Variants in NME7 observed in about 807,000 individuals in gnomAD.
NME7 encodes the protein nucleoside diphosphate kinase 7.
NME7 carries 41 observed loss-of-function variants against 49.1 expected under a neutral mutation model. That is an observed-to-expected ratio of 0.83 (90% confidence interval 0.65 to 1.08). The LOEUF is 1.08. Among genes scored for constraint, NME7 ranks in the 50% least tolerant of loss-of-function variants. The pLI, the probability that NME7 is intolerant of heterozygous loss-of-function variation, is 0.00. For synonymous variants in NME7, 139 were observed against 150.6 expected (o/e 0.92, Z 0.56); for missense variants, 423 against 463.4 (o/e 0.91, Z 0.80).
At position 169,364,747 on chromosome 1, in the gene NME7, T is replaced by C. The variant is rs571324630; in HGVS notation, c.3+2961A>G. 3.3e-5 allele frequency among the ~76,000 whole-genome samples: 5 copies of C among 152,314 alleles called. 1 individual carries two copies. The highest frequency in any genetic ancestry group is 1.2e-4 in the African/African-American group (5 of 41,564). ...GCAAGCTAACTATGGGAGAAATTTA[T>C]AGTTTAACTTTGAAGCAAGGATGGT... On this transcript the variant is annotated intron_variant, in intron 1 of 11. Transcript: ENST00000367811.
intron 1 of NME7, among the ~76,000 whole-genome samples, chr1:169,334,083 T>C (rs764191373): frequency 2.0e-5 from 3 of 152,232 alleles, no homozygotes; most frequent in Admixed American, 1.3e-4. Flanking sequence ...GATTCCATAA[T>C]GCATGATGGA....
In NME7 at chr1:169,175,242, C is replaced by A. The variant is rs147134426; in HGVS notation, c.991-5688G>T. On this transcript the variant is annotated intron_variant, in intron 10 of 11. Coordinates refer to ENST00000367811, the MANE Select transcript of NME7 (RefSeq NM_013330.5). ...CTGTCTTCCACCTCCATATCTTGTC[C>A]CACTGGAAGGTCTTTAGGGACAATA... is the stretch of plus-strand genomic sequence containing the variant. Among the ~76,000 whole-genome samples the A allele has an allele frequency of 6.2e-3, 936 of 152,084 alleles. 14 individuals are homozygous for A. Among genetic ancestry groups the A allele is most frequent in the African/African-American group, 0.021 (882 of 41,442 alleles).
At chr1:169,207,442 G>C (rs1660703150) in intron 10 of NME7, among the ~76,000 whole-genome samples, 1 of 152,084 alleles carries the variant, frequency 6.6e-6, no homozygotes, top group African/African-American at 2.4e-5. Context: ...AGCCATAGGG[G>C]TCTGTAGACA....
intron 7 of NME7, among the ~76,000 whole-genome samples, chr1:169,258,350 A>T (rs1402774012): frequency 4.6e-5 from 5 of 109,386 alleles, no homozygotes; most frequent in South Asian, 5.5e-4. Flanking sequence ...TTGTCTCAAA[A>T]AAAATAAAAT....
Position 169,324,647 on chromosome 1 carries a change from TCA to T in NME7, c.4-149_4-148del. Reference sequence around the variant, plus strand: ...AATGTTTCTGCTTTTCAACAAAGTATCAGTTATCAACACACCCTCAGCAATAT... The same window carrying T: ...AATGTTTCTGCTTTTCAACAAAGTATGTTATCAACACACCCTCAGCAATAT... On this transcript the variant is annotated intron_variant, in intron 1 of 11. Transcript: ENST00000367811. The T allele has an allele frequency of 1.0e-5, 6 of 590,190 alleles. No individual in the cohort carries two copies. In the South Asian group the frequency reaches 1.3e-4, roughly 13 times the overall value. The allele number at this position is 590,190 out of a possible 1,614,324, so 36.6% of individuals were successfully genotyped here.
intron 10 of NME7, among the ~76,000 whole-genome samples, chr1:169,218,659 A>ATTTTT (rs34342694): frequency 1.7e-5 from 2 of 118,164 alleles, no homozygotes; most frequent in African/African-American, 3.3e-5. Context: ...CCAATTTTGA[A>ATTTTT]TTTTTTTTTT....
chr1:169,313,513 GAC>G (rs1381516306), intron 3 of NME7, among the ~76,000 whole-genome samples: 2 of 152,144 alleles, frequency 1.3e-5, no homozygotes, highest in African/African-American at 2.4e-5. Context: ...ATGGGAAAAA[GAC>G]AGAAGCAAAG....
rs527828705 is a variant in NME7, at chr1:169,257,179, A to C, written c.755-19492T>G. ...TCCCCCAGCCTCGCTGCCACCTTGC[A>C]GTTTGATCTCAGACTGCTGTGCTGG... On this transcript the variant is annotated intron_variant, in intron 7 of 11. Coordinates refer to ENST00000367811, the MANE Select transcript of NME7 (RefSeq NM_013330.5). Among the ~76,000 whole-genome samples, 703 of 134,218 alleles carry C rather than the reference A, an allele frequency of 5.2e-3. 66 individuals are homozygous for C. Among genetic ancestry groups the C allele is most frequent in the African/African-American group, 0.016 (654 of 39,696 alleles). 88.1% of individuals were successfully genotyped at this position (134,218 alleles called of 152,430 possible). A position where few individuals can be genotyped will look rare whatever the true frequency, so the allele number is the denominator to read the frequency against.
At chr1:169,210,540 C>T (rs1263052167) in intron 10 of NME7, among the ~76,000 whole-genome samples, 1 of 151,946 alleles carries the variant, frequency 6.6e-6, no homozygotes, top group African/African-American at 2.4e-5. Flanking sequence ...TTAGATAGTC[C>T]TTCTGTGGTA....
At chr1:169,302,298 T>G (rs920665643) in intron 5 of NME7, 1 of 152,142 alleles carries the variant, frequency 6.6e-6, no homozygotes, top group African/African-American at 2.4e-5. Flanking sequence ...AAAAGATACA[T>G]GCACTTGCCT....
At chr1:169,319,709 A>AG (rs1273051682) in intron 3 of NME7, among the ~76,000 whole-genome samples, 3 of 152,146 alleles carry the variant, frequency 2.0e-5, no homozygotes, top group African/African-American at 7.2e-5. Flanking sequence ...TCTGAAAAAC[A>AG]GGGGGGTCTT....
Position 169,311,351 on chromosome 1 carries a change from G to A in NME7, c.279-1271C>T, listed in dbSNP as rs575328345. Reference sequence around the variant, plus strand: ...GGAGAATGATGTGAACCCGGGGGTCGGAGCCTGCAGTGAGCCAAGATAGCA... The same window carrying A: ...GGAGAATGATGTGAACCCGGGGGTCAGAGCCTGCAGTGAGCCAAGATAGCA... On this transcript the variant is annotated intron_variant, in intron 3 of 11. Coordinates refer to ENST00000367811, the MANE Select transcript of NME7 (RefSeq NM_013330.5). Among the ~76,000 whole-genome samples, 204 of 148,424 alleles carry A rather than the reference G, an allele frequency of 1.4e-3. 1 individual carries two copies. The highest frequency in any genetic ancestry group is 2.2e-3 in the Admixed American group (32 of 14,730).
intron 7 of NME7, among the ~76,000 whole-genome samples, chr1:169,256,149 T>C (rs1648921395): frequency 7.5e-6 from 1 of 133,724 alleles, no homozygotes; most frequent in Non-Finnish European, 1.8e-5. Context: ...GATAATATCC[T>C]ACAGAGTGTT....
chr1:169,342,913 G>A (rs151232559), intron 1 of NME7, among the ~76,000 whole-genome samples: 10,423 of 59,576 alleles, frequency 0.17, 3,286 homozygotes, highest in Non-Finnish European at 0.28. Context: ...TATATATAGT[G>A]TATATATATA....
intron 1 of NME7, among the ~76,000 whole-genome samples, chr1:169,353,104 G>T (rs1653239455): frequency 6.6e-6 from 1 of 151,776 alleles, no homozygotes; most frequent in Non-Finnish European, 1.5e-5. Flanking sequence ...TAAGTAAAAA[G>T]ATGAAAACTG....
chr1:169,338,360 AC>A (rs1348934395), intron 1 of NME7, among the ~76,000 whole-genome samples: 1 of 152,192 alleles, frequency 6.6e-6, no homozygotes, highest in Non-Finnish European at 1.5e-5. Flanking sequence ...CAGAACACAA[AC>A]ACCTGTATTT....
chr1:169,362,316 C>A (rs1653691095), intron 1 of NME7, among the ~76,000 whole-genome samples: 1 of 152,238 alleles, frequency 6.6e-6, no homozygotes, highest in African/African-American at 2.4e-5. Flanking sequence ...TCCTTTATTA[C>A]ACTAACAGTT....
chr1:169,270,202 GT>G (rs1390336844), intron 7 of NME7, among the ~76,000 whole-genome samples: 1 of 134,702 alleles, frequency 7.4e-6, no homozygotes, highest in African/African-American at 2.5e-5. Context: ...AAAAAGGACT[GT>G]TATAAACAAT....
intron 7 of NME7, among the ~76,000 whole-genome samples, chr1:169,268,877 A>G (rs1558015018): frequency 7.5e-6 from 1 of 133,270 alleles, no homozygotes; most frequent in African/African-American, 2.5e-5. Context: ...ATAATCTGTT[A>G]ACTAAACCCC....
Sources: gnomAD v4.1 joint callset for allele counts (sites outside exome capture counted in the v4.1 genomes callset) on GRCh38, gnomAD v4.1.1 for gene constraint, MANE v1.5 for transcripts, NCBI Gene and HGNC (gene_info 2026-07-23, HGNC 2026-07-21) for gene names.